The following EYA1 variants were observed in gnomAD, a reference collection of about 807,000 sequenced individuals.
EYA1 encodes EYA transcriptional coactivator and phosphatase 1.
A neutral mutation model predicts 82.0 loss-of-function variants in EYA1; 16 were observed. The ratio of observed to expected loss-of-function variants is 0.20; its 90% CI spans 0.13 to 0.30. EYA1 has a LOEUF of 0.30. Among genes scored for constraint, EYA1 ranks in the 10% least tolerant of loss-of-function variants. The pLI is 1.00. For synonymous variants in EYA1, 261 were observed against 264.4 expected (o/e 0.99, Z 0.12); for missense variants, 633 against 730.7 (o/e 0.87, Z 1.54).
intron 12 of EYA1, among the ~76,000 whole-genome samples, chr8:71,228,928 G>A (rs933261401): frequency 6.6e-6 from 1 of 152,226 alleles, no homozygotes; most frequent in African/African-American, 2.4e-5. Context: ...TCTGAAAGTA[G>A]GTTTTGCTGT....
intron 2 of EYA1, among the ~76,000 whole-genome samples, chr8:71,415,342 A>C (rs1830798100): frequency 6.6e-6 from 1 of 152,230 alleles, no homozygotes; most frequent in South Asian, 2.1e-4. Flanking sequence ...CTATAATTCT[A>C]AGTGCTTTAC....
At chr8:71,377,545 CTTAA>C (rs1264570515) in intron 2 of EYA1, among the ~76,000 whole-genome samples, 2 of 152,134 alleles carry the variant, frequency 1.3e-5, no homozygotes, top group Admixed American at 1.3e-4. Flanking sequence ...CTGCCTTTAT[CTTAA>C]TTGTCTTAAT....
intron 12 of EYA1, among the ~76,000 whole-genome samples, chr8:71,218,962 A>G (rs1334888028): frequency 6.9e-6 from 1 of 144,014 alleles, no homozygotes; most frequent in Non-Finnish European, 1.5e-5. Flanking sequence ...AATTCAAGGA[A>G]TCAAAACTGA....
At chr8:71,286,543 T>C (rs1818384083) in intron 9 of EYA1, among the ~76,000 whole-genome samples, 1 of 152,184 alleles carries the variant, frequency 6.6e-6, no homozygotes, top group African/African-American at 2.4e-5. Context: ...GCGAAGGTGT[T>C]ATTGCTTGGT....
chr8:71,299,616 T>TTAA (rs1466343232), intron 8 of EYA1, 22 bp downstream of exon 8: 8 of 1,383,968 alleles, frequency 5.8e-6, no homozygotes, highest in Non-Finnish European at 7.2e-6. Flanking sequence ...TTTTCAGAAG[T>TTAA]TAAACTGGCT....
intron 2 of EYA1, among the ~76,000 whole-genome samples, chr8:71,388,748 T>C (rs1403844396): frequency 2.0e-5 from 3 of 152,202 alleles, no homozygotes; most frequent in African/African-American, 4.8e-5. Flanking sequence ...AGGTCTTTCT[T>C]GGCTCAGCAG....
At chr8:71,396,435 A>G (rs1013906661) in intron 2 of EYA1, among the ~76,000 whole-genome samples, 2 of 152,216 alleles carry the variant, frequency 1.3e-5, no homozygotes, top group African/African-American at 4.8e-5. Context: ...ATTTAATGCT[A>G]TAAATTTCCC....
intron 2 of EYA1, among the ~76,000 whole-genome samples, chr8:71,438,438 T>C (rs976766567): frequency 6.6e-6 from 1 of 152,038 alleles, no homozygotes; most frequent in Non-Finnish European, 1.5e-5. Context: ...ATACATAACA[T>C]TGTGCTGGAC....
In EYA1 at chr8:71,297,246, T is replaced by A. The variant is rs181066460; in HGVS notation, c.826+1801A>T. Among the ~76,000 whole-genome samples, 6 of 152,268 alleles carry A rather than the reference T, an allele frequency of 3.9e-5. No homozygotes were observed. In the East Asian group the frequency reaches 1.2e-3, roughly 29 times the overall value. Reference sequence around the variant, plus strand: ...TTAGAATTTTTCATTGTTTTCCATGTGGCCTGGCTTTATAGTCCACCATCC... The same window carrying A: ...TTAGAATTTTTCATTGTTTTCCATGAGGCCTGGCTTTATAGTCCACCATCC... On this transcript the variant is annotated intron_variant, in intron 9 of 17. Transcript: ENST00000340726.
At chr8:71,255,481 AC>A (rs1450160133) in intron 11 of EYA1, among the ~76,000 whole-genome samples, 3 of 152,182 alleles carry the variant, frequency 2.0e-5, no homozygotes, top group Non-Finnish European at 4.4e-5. Flanking sequence ...GGGTGCTAAG[AC>A]CATTCAATGA....
In EYA1 at chr8:71,506,733, A is replaced by G. The variant is rs80252955; in HGVS notation, c.33+29011T>C. Among the ~76,000 whole-genome samples the G allele has an allele frequency of 5.9e-5, 9 of 152,300 alleles. 1 individual carries two copies. In the East Asian group the frequency reaches 1.7e-3, roughly 29 times the overall value. On this transcript the variant is annotated intron_variant, in intron 2 of 18. Coordinates refer to the EYA1 transcript ENST00000643681. ...ATGTAAAAAATAAAAGCATGAAAGT[A>G]CTAGAGAAAAACACTGTGGATAATT...
chr8:71,346,053 G>A (rs1258573769), intron 3 of EYA1, among the ~76,000 whole-genome samples: 2 of 151,504 alleles, frequency 1.3e-5, no homozygotes, highest in South Asian at 2.1e-4. Flanking sequence ...TCTGCCATTC[G>A]GAATGTCTTC....
At chr8:71,475,396 T>C (rs763909113) in intron 2 of EYA1, among the ~76,000 whole-genome samples, 3 of 152,188 alleles carry the variant, frequency 2.0e-5, no homozygotes, top group Non-Finnish European at 4.4e-5. Context: ...TGAATATTTT[T>C]AAACTATGTG....
At chr8:71,486,892 A>C (rs907229886) in intron 2 of EYA1, among the ~76,000 whole-genome samples, 4 of 151,686 alleles carry the variant, frequency 2.6e-5, no homozygotes, top group African/African-American at 9.7e-5. Context: ...TATTGGTAAC[A>C]GAAGTGCTAT....
chr8:71,546,401 G>T (rs987221436), intron 1 of EYA1, among the ~76,000 whole-genome samples: 3 of 152,140 alleles, frequency 2.0e-5, no homozygotes, highest in Non-Finnish European at 4.4e-5. Context: ...GAACAAAATG[G>T]AAGAATGCCT....
chr8:71,293,852 GATGT>G (rs1331093726), intron 9 of EYA1, among the ~76,000 whole-genome samples: 1 of 108,286 alleles, frequency 9.2e-6, no homozygotes, highest in African/African-American at 2.9e-5. Context: ...CGAGAAACTA[GATGT>G]TTCCTTTCTA....
At chr8:71,270,547 T>A (rs1816397860) in intron 10 of EYA1, among the ~76,000 whole-genome samples, 1 of 152,216 alleles carries the variant, frequency 6.6e-6, no homozygotes, top group South Asian at 2.1e-4. Context: ...CTATTCCCAC[T>A]CACACCAGTA....
In EYA1 at chr8:71,234,209, T is replaced by C. The variant is rs147577779; in HGVS notation, c.1140+10394A>G. ...CATTCTCCTTGCCATACCACATGTATTTTCCTTCCTATGGAATCATTCCTG... is the reference window on the plus strand; with the variant it reads ...CATTCTCCTTGCCATACCACATGTACTTTCCTTCCTATGGAATCATTCCTG... On this transcript the variant is annotated intron_variant, in intron 12 of 17. Coordinates refer to ENST00000340726, the MANE Select transcript of EYA1 (RefSeq NM_000503.6). 1.1e-3 allele frequency among the ~76,000 whole-genome samples: 175 copies of C among 152,314 alleles called. 1 individual carries two copies. Among genetic ancestry groups the C allele is most frequent in the African/African-American group, 4.0e-3 (168 of 41,570 alleles).
intron 3 of EYA1, among the ~76,000 whole-genome samples, chr8:71,335,833 C>T (rs1013350437): frequency 3.3e-5 from 5 of 151,930 alleles, no homozygotes; most frequent in African/African-American, 1.2e-4. Flanking sequence ...TAATATAATG[C>T]CCCATACACA....
Sources: allele counts gnomAD v4.1 joint callset (sites outside exome capture counted in the v4.1 genomes callset), GRCh38; gene constraint gnomAD v4.1.1; transcripts MANE v1.5; gene names NCBI Gene and HGNC (gene_info 2026-07-23, HGNC 2026-07-21).